Variants in CCNE1 observed in about 807,000 individuals in gnomAD.
The protein encoded by CCNE1 is cyclin E1.
A neutral mutation model predicts 54.1 loss-of-function variants in CCNE1; 8 were observed. The observed-to-expected ratio is 0.15, with a 90% CI of 0.09 to 0.27. The LOEUF is 0.27. Among genes scored for constraint, CCNE1 ranks in the 10% least tolerant of loss-of-function variants. The pLI, the probability that CCNE1 is intolerant of heterozygous loss-of-function variation, is 1.00. For synonymous variants in CCNE1, 179 were observed against 185.2 expected (o/e 0.97, Z 0.27); for missense variants, 430 against 514.9 (o/e 0.84, Z 1.60).
At chr19:29,821,621 C>G in intron 7 of CCNE1, 101 bp from the exon 8 acceptor site, 1 of 418,878 alleles carries the variant, frequency 2.4e-6, no homozygotes, top group Non-Finnish European at 4.6e-6. Flanking sequence ...CGCCCTCTCT[C>G]TTTCCATGCC....
chr19:29,815,773 C>T (rs1250884867), intron 4 of CCNE1, among the ~76,000 whole-genome samples: 6 of 151,258 alleles, frequency 4.0e-5, no homozygotes, highest in East Asian at 1.9e-4. Context: ...GGATTACAGG[C>T]GCCCGCTACC....
At chr19:29,814,824 C>T (rs1163208851) in intron 4 of CCNE1, among the ~76,000 whole-genome samples, 2 of 151,956 alleles carry the variant, frequency 1.3e-5, no homozygotes, top group Admixed American at 6.6e-5. Flanking sequence ...AAAAGAATAC[C>T]CTTTTATCTA....
intron 4 of CCNE1, chr19:29,813,349 G>A (rs918976303): frequency 2.1e-5 from 4 of 191,230 alleles, no homozygotes; most frequent in Non-Finnish European, 4.7e-5. Flanking sequence ...CTGAGACTCA[G>A]TTAGAGGAAG....
chr19:29,817,106 C>T lies in CCNE1; in HGVS notation c.181-31C>T, dbSNP rs763924283. On this transcript the variant is annotated intron_variant, in intron 4 of 11. Transcript: ENST00000262643. ...AATGTAAGAGCTGTTTGCATCTTATCTCACCTCTCCTGTGTATTTTTCATT... is the reference window on the plus strand; with the variant it reads ...AATGTAAGAGCTGTTTGCATCTTATTTCACCTCTCCTGTGTATTTTTCATT... The T allele has an allele frequency of 1.8e-5, 29 of 1,605,166 alleles. No individual in the cohort carries two copies. In the South Asian group the frequency reaches 2.8e-4, roughly 15 times the overall value.
intron 7 of CCNE1, 75 bp downstream of exon 7, chr19:29,820,923 G>A: frequency 8.2e-7 from 1 of 1,224,158 alleles, no homozygotes; most frequent in Non-Finnish European, 1.2e-6. Flanking sequence ...GGAAGAGGTT[G>A]GCGCTTAGCC....
Position 29,817,206 on chromosome 19 carries a change from G to C in CCNE1, c.250G>C (p.Asp84His), listed in dbSNP as rs2145721694. The C allele has an allele frequency of 6.2e-7, 1 of 1,614,156 alleles. No individual in the cohort carries two copies. The highest frequency in any genetic ancestry group is 2.2e-5 in the East Asian group (1 of 44,882). Residue 84 changes from aspartate to histidine, a missense_variant, in exon 5 of 12, where the codon GAC (aspartate) becomes CAC (histidine). By Grantham distance (81) the Asp-to-His change is moderately conservative. Around this residue, in one of 2 missense-constraint regions of CCNE1, gnomAD observed 127 missense variants for 113.8 expected, o/e 1.12. Transcript: ENST00000262643. The part of the protein sequence containing the change: ...LIPTPDKEDD[D>H]RVYPNSTCKP... ...CCCCACACCTGACAAAGAAGATGAT[G>C]ACCGGGTTTACCCAAACTCAACGTG...
chr19:29,818,272 C>T (rs376503283), intron 6 of CCNE1, among the ~76,000 whole-genome samples: 24 of 152,240 alleles, frequency 1.6e-4, no homozygotes, highest in South Asian at 4.1e-4. Flanking sequence ...GTGGTTTGCC[C>T]GCCTTGGCCT....
intron 6 of CCNE1, 120 bp downstream of exon 6, chr19:29,817,661 G>A: frequency 1.9e-6 from 2 of 1,074,978 alleles, no homozygotes; most frequent in Non-Finnish European, 1.4e-6. Flanking sequence ...AAGCTATATG[G>A]TATATTTTTA....
chr19:29,819,085 A>G (rs572562167), intron 6 of CCNE1, among the ~76,000 whole-genome samples: 1 of 151,652 alleles, frequency 6.6e-6, no homozygotes, highest in Non-Finnish European at 1.5e-5. Context: ...TTTCAACAAA[A>G]AATAAAAAAT....
chr19:29,814,999 T>G (rs1973978631), intron 4 of CCNE1, among the ~76,000 whole-genome samples: 1 of 152,214 alleles, frequency 6.6e-6, no homozygotes. Context: ...GGTCTCTTAT[T>G]GTTATCTCAT....
In CCNE1 at chr19:29,822,235, C is replaced by T. The variant is rs375209991; in HGVS notation, c.841-5C>T. ...TCCATCTCAGCGTTCTTTTCTTCTC[C>T]GTAGCTGTTGGATCTCTGTGTCCTG... On this transcript the variant is annotated splice_polypyrimidine_tract_variant and splice_region_variant and intron_variant, in intron 9 of 11. Coordinates refer to ENST00000262643, the MANE Select transcript of CCNE1 (RefSeq NM_001238.4). 16 of 1,612,358 alleles carry T rather than the reference C, an allele frequency of 9.9e-6. No homozygotes were observed. The highest frequency in any genetic ancestry group is 3.3e-4 in the Middle Eastern group (2 of 6,082).
At chr19:29,815,635 TTTTTTG>T (rs1374566917) in intron 4 of CCNE1, among the ~76,000 whole-genome samples, 2 of 146,804 alleles carry the variant, frequency 1.4e-5, no homozygotes, top group East Asian at 4.2e-4. Flanking sequence ...TTTTTTTTTT[TTTTTTG>T]GGGGGGGGAC....
In CCNE1 at chr19:29,812,513, A is replaced by C. The variant is rs1252529834; in HGVS notation, c.-24-19A>C. On this transcript the variant is annotated intron_variant, in intron 1 of 11. Coordinates refer to ENST00000262643, the MANE Select transcript of CCNE1 (RefSeq NM_001238.4). ...CGCGGCCTGACCCCGCCGCCGCCTC[A>C]CCCCGCGCCGCCCCGCAGGCCTCAG... The C allele has an allele frequency of 7.8e-7, 1 of 1,283,584 alleles. No individual in the cohort carries two copies. The highest frequency in any genetic ancestry group is 9.8e-7 in the Non-Finnish European group (1 of 1,022,808). The allele number at this position is 1,283,584 out of a possible 1,614,324, so 79.5% of individuals were successfully genotyped here.
At chr19:29,820,443 C>G (rs894772420) in intron 6 of CCNE1, among the ~76,000 whole-genome samples, 1 of 151,780 alleles carries the variant, frequency 6.6e-6, no homozygotes, top group Non-Finnish European at 1.5e-5. Flanking sequence ...TCCAGCTACT[C>G]GGGAGGCTGA....
chr19:29,812,807 T>TC (rs3218029), intron 3 of CCNE1, 31 bp downstream of exon 3: 984,968 of 1,570,428 alleles, frequency 0.63, 309,797 homozygotes, highest in South Asian at 0.66. Flanking sequence ...TTGGGGAGCA[T>TC]CCCCCCCATC....
intron 4 of CCNE1, among the ~76,000 whole-genome samples, chr19:29,816,876 T>C (rs976652741): frequency 7.1e-6 from 1 of 141,796 alleles, no homozygotes; most frequent in Non-Finnish European, 1.5e-5. Context: ...TGATCTTTTA[T>C]ACTAATGAAT....
chr19:29,814,968 G>C (rs1234229700), intron 4 of CCNE1, among the ~76,000 whole-genome samples: 1 of 152,214 alleles, frequency 6.6e-6, no homozygotes, highest in East Asian at 1.9e-4. Context: ...ATGAGGAGTT[G>C]GAGTGGTTAG....
At chr19:29,817,606 A>G in intron 6 of CCNE1, 65 bp downstream of exon 6, 1 of 1,568,744 alleles carries the variant, frequency 6.4e-7, no homozygotes, top group Non-Finnish European at 8.8e-7. Context: ...TTTGTGTATT[A>G]GGACCTCTGT....
In CCNE1 at chr19:29,823,797, CAA is replaced by C; in HGVS notation, c.*22_*23del. On this transcript the variant is annotated 3_prime_UTR_variant, in exon 12 of 12. Coordinates refer to ENST00000262643, the MANE Select transcript of CCNE1 (RefSeq NM_001238.4). ...GCGTGACCACCCCATCCTTCTCCAC[CAA>C]AGACAGTTGCGCGCCTGCTCCACGT... 6.3e-7 allele frequency: 1 copy of C among 1,597,498 alleles called. No individual in the cohort carries two copies. Among genetic ancestry groups the C allele is most frequent in the Non-Finnish European group, 8.5e-7 (1 of 1,171,304 alleles).
Sources: allele counts gnomAD v4.1 joint callset (sites outside exome capture counted in the v4.1 genomes callset), GRCh38; gene constraint gnomAD v4.1.1; regional missense constraint gnomAD v4.1.1; transcripts MANE v1.5; gene names NCBI Gene and HGNC (gene_info 2026-07-23, HGNC 2026-07-21).